Variants in PVT1 observed in about 807,000 individuals in gnomAD.
The protein encoded by PVT1 is CXCR4/PVT1 fusion.
chr8:128,029,298 C>CT lies in PVT1; in HGVS notation n.912+40016dup, dbSNP rs200459934. ...CCACCACCCTCAGTTAATTTTTTGA[C>CT]TTTTTTTTTGCAGGAAACGAGGTCT... is the stretch of plus-strand genomic sequence containing the variant. On this transcript the variant is annotated intron_variant and non_coding_transcript_variant, in intron 4 of 10. Coordinates refer to ENST00000651587, the Ensembl canonical transcript of PVT1. Among the ~76,000 whole-genome samples the CT allele has an allele frequency of 4.7e-3, 681 of 146,226 alleles. 2 individuals carry two copies. Among genetic ancestry groups the CT allele is most frequent in the African/African-American group, 0.015 (587 of 39,690 alleles).
chr8:127,932,289 TA>T, intron 3 of PVT1, among the ~76,000 whole-genome samples: 1 of 152,348 alleles, frequency 6.6e-6, no homozygotes, highest in Admixed American at 6.5e-5. Flanking sequence ...CTCCCATTAC[TA>T]ACGGGTGTCT....
chr8:127,937,570 C>T (rs1411069080), intron 3 of PVT1, among the ~76,000 whole-genome samples: 15 of 105,066 alleles, frequency 1.4e-4, no homozygotes, highest in African/African-American at 3.9e-4. Flanking sequence ...CACACACACA[C>T]ACACACACAC....
chr8:127,966,004 G>A (rs1249267104), intron 3 of PVT1, among the ~76,000 whole-genome samples: 2 of 152,212 alleles, frequency 1.3e-5, no homozygotes, highest in Non-Finnish European at 2.9e-5. Context: ...TAGTATAATT[G>A]AAAGTCCAGT....
rs192769809 is a variant in PVT1, at chr8:128,056,200, C to T, written n.913-13960C>T. On this transcript the variant is annotated intron_variant and non_coding_transcript_variant, in intron 4 of 10. Transcript: ENST00000651587. ...GGTGAGTTTCTTATTTCCTTCATGC[C>T]TCAGGTTCCTTATAAAGGAAATGGG... 7.9e-5 allele frequency among the ~76,000 whole-genome samples: 12 copies of T among 152,238 alleles called. No homozygotes were observed. The South Asian group carries it at 1.0e-3, about 13-fold the overall frequency.
chr8:128,059,153 C>A (rs1813799762), intron 4 of PVT1, among the ~76,000 whole-genome samples: 1 of 152,204 alleles, frequency 6.6e-6, no homozygotes. Context: ...CCTGGATTTA[C>A]AATGACTCTG....
At chr8:127,994,207 A>C (rs1817077641) in intron 4 of PVT1, among the ~76,000 whole-genome samples, 1 of 152,166 alleles carries the variant, frequency 6.6e-6, no homozygotes, top group Non-Finnish European at 1.5e-5. Flanking sequence ...GTTTCTTCTG[A>C]AAATGAGGAT....
intron 2 of PVT1, among the ~76,000 whole-genome samples, chr8:127,800,979 A>G (rs1586385185): frequency 6.6e-6 from 1 of 152,042 alleles, no homozygotes; most frequent in East Asian, 1.9e-4. Flanking sequence ...TCCATGGAGG[A>G]GCTGACGTTA....
At chr8:128,039,026 G>A (rs139459841) in intron 4 of PVT1, among the ~76,000 whole-genome samples, 2 of 152,158 alleles carry the variant, frequency 1.3e-5, no homozygotes, top group East Asian at 3.9e-4. Context: ...GGGGAGGGAC[G>A]GATCAGCTCC....
At chr8:127,871,952 C>A (rs925676750) in intron 2 of PVT1, among the ~76,000 whole-genome samples, 1 of 152,054 alleles carries the variant, frequency 6.6e-6, no homozygotes, top group African/African-American at 2.4e-5. Flanking sequence ...ATTAGCCAGA[C>A]GTGGTGATGG....
intron 5 of PVT1, among the ~76,000 whole-genome samples, chr8:128,073,245 A>G (rs145796964): frequency 1.3e-5 from 2 of 152,300 alleles, no homozygotes; most frequent in East Asian, 3.9e-4. Flanking sequence ...GGATGGCTTC[A>G]AGGTCTAGAT....
chr8:127,911,931 G>A (rs996914315), intron 3 of PVT1, among the ~76,000 whole-genome samples: 1 of 152,182 alleles, frequency 6.6e-6, no homozygotes, highest in African/African-American at 2.4e-5. Context: ...TTTACGGGTG[G>A]TGCTCGTTTC....
chr8:127,856,846 C>T (rs756872773), intron 2 of PVT1, among the ~76,000 whole-genome samples: 3 of 152,228 alleles, frequency 2.0e-5, no homozygotes, highest in Non-Finnish European at 2.9e-5. Flanking sequence ...AGAGTGCTCT[C>T]CTAACCGCTA....
chr8:127,966,912 C>T (rs144190839), intron 3 of PVT1, among the ~76,000 whole-genome samples: 387 of 152,144 alleles, frequency 2.5e-3, no homozygotes, highest in African/African-American at 8.9e-3. Flanking sequence ...CTTGATGTGC[C>T]GAGACTCCAT....
chr8:127,904,117 G>C (rs1343344447), intron 3 of PVT1, among the ~76,000 whole-genome samples: 1 of 152,024 alleles, frequency 6.6e-6, no homozygotes, highest in Non-Finnish European at 1.5e-5. Context: ...ATGTTTTGTA[G>C]TCCTTGTAGA....
At chr8:128,073,302 G>A (rs1423960992) in intron 5 of PVT1, among the ~76,000 whole-genome samples, 1 of 152,104 alleles carries the variant, frequency 6.6e-6, no homozygotes, top group Non-Finnish European at 1.5e-5. Flanking sequence ...CTAGTAACTC[G>A]AAGATCTTTT....
chr8:127,987,210 C>G (rs1231730491), intron 3 of PVT1, among the ~76,000 whole-genome samples: 6 of 152,202 alleles, frequency 3.9e-5, no homozygotes, highest in Non-Finnish European at 7.3e-5. Flanking sequence ...CTGGATTTCC[C>G]TGGTAGTTTA....
At chr8:128,029,881 G>A (rs1437971421) in intron 4 of PVT1, among the ~76,000 whole-genome samples, 1 of 152,240 alleles carries the variant, frequency 6.6e-6, no homozygotes, top group Non-Finnish European at 1.5e-5. Context: ...GGTTGAGATG[G>A]GAGGATTGCT....
intron 4 of PVT1, among the ~76,000 whole-genome samples, chr8:128,004,414 A>T (rs1460512449): frequency 6.6e-6 from 1 of 152,122 alleles, no homozygotes; most frequent in African/African-American, 2.4e-5. Context: ...ACATTTGCTC[A>T]TCCTGGAGGT....
chr8:127,911,480 CTG>C (rs1815897124), intron 3 of PVT1, among the ~76,000 whole-genome samples: 1 of 152,258 alleles, frequency 6.6e-6, no homozygotes, highest in Admixed American at 6.5e-5. Context: ...CGGTGAATCA[CTG>C]AAACTGATCC....
Sources: gnomAD v4.1 joint callset for allele counts (sites outside exome capture counted in the v4.1 genomes callset) on GRCh38, gnomAD v4.1.1 for gene constraint, MANE v1.5 for transcripts, NCBI Gene and HGNC (gene_info 2026-07-23, HGNC 2026-07-21) for gene names.